The following DMD variants were observed in gnomAD, a reference collection of about 807,000 sequenced individuals.
DMD encodes mutant dystrophin.
In DMD, 63 loss-of-function variants were observed where a neutral mutation model predicts 330.1. That is an observed-to-expected ratio of 0.19 (90% CI 0.16 to 0.24). The LOEUF is 0.24. Among genes scored for constraint, DMD ranks in the 10% least tolerant of loss-of-function variants. DMD has a pLI of 1.00. For synonymous variants in DMD, 1,223 were observed against 959.8 expected (o/e 1.27, Z -5.07); for missense variants, 3,344 against 2,684.1 (o/e 1.25, Z -5.43).
intron 50 of DMD, among the ~76,000 whole-genome samples, chrX:31,810,183 T>C (rs775012350): frequency 1.8e-5 from 2 of 111,355 alleles, no homozygotes; most frequent in Non-Finnish European, 3.8e-5. Flanking sequence ...GACAGAGTCA[T>C]GGGAAGACCA....
intron 62 of DMD, among the ~76,000 whole-genome samples, chrX:31,266,475 G>A (rs761376668): frequency 4.6e-4 from 52 of 112,719 alleles, no homozygotes; most frequent in African/African-American, 1.6e-3. Flanking sequence ...AGCCTGGAAA[G>A]GAGTGAAAAG....
chrX:32,341,150 T>A (rs1340937651), intron 41 of DMD, among the ~76,000 whole-genome samples: 1 of 111,931 alleles, frequency 8.9e-6, no homozygotes, highest in Non-Finnish European at 1.9e-5. Context: ...CTGAACCCTA[T>A]GCAGTTATTA....
intron 44 of DMD, among the ~76,000 whole-genome samples, chrX:32,213,838 G>A (rs922132548): frequency 9.1e-6 from 1 of 110,214 alleles, no homozygotes; most frequent in Non-Finnish European, 1.9e-5. Context: ...GCCAGGTGTG[G>A]GGGTGGGCAC....
intron 7 of DMD, among the ~76,000 whole-genome samples, chrX:32,797,850 G>GA (rs2076285832): frequency 9.0e-6 from 1 of 110,908 alleles, no homozygotes; most frequent in Non-Finnish European, 1.9e-5. Context: ...TAAGCTAATT[G>GA]AAAAGAGATT....
intron 62 of DMD, among the ~76,000 whole-genome samples, chrX:31,303,793 G>A (rs2054829272): frequency 1.8e-5 from 2 of 111,438 alleles, no homozygotes; most frequent in Admixed American, 1.9e-4. Flanking sequence ...GTTCCCTCCT[G>A]CTAAATTGCC....
At chrX:32,623,260 G>C (rs758489843) in intron 11 of DMD, among the ~76,000 whole-genome samples, 12 of 111,717 alleles carry the variant, frequency 1.1e-4, no homozygotes, top group African/African-American at 3.2e-4. Flanking sequence ...GATTAGCAAG[G>C]AAGTGAGTAG....
At chrX:32,067,868 A>G (rs747352896) in intron 44 of DMD, among the ~76,000 whole-genome samples, 1 of 111,843 alleles carries the variant, frequency 8.9e-6, no homozygotes, top group Non-Finnish European at 1.9e-5. Flanking sequence ...TTGGATATCT[A>G]CTCAGTAATG....
At position 31,339,022 on chromosome X, in the gene DMD, T is replaced by C. The variant is rs775916469; in HGVS notation, c.9163+9534A>G. On this transcript the variant is annotated intron_variant, in intron 61 of 78. Transcript: ENST00000357033. ...TTCCATGGAGTAAATCTTCCCACTATGCCTGATTTCAAGCTACCAAAGGTA... is the reference window on the plus strand; with the variant it reads ...TTCCATGGAGTAAATCTTCCCACTACGCCTGATTTCAAGCTACCAAAGGTA... 8.6e-4 allele frequency among the ~76,000 whole-genome samples: 94 copies of C among 109,571 alleles called. 1 individual carries two copies. Among genetic ancestry groups the C allele is most frequent in the South Asian group, 6.0e-3 (15 of 2,499 alleles).
At chrX:32,516,053 T>TG (rs1407904959) in intron 18 of DMD, among the ~76,000 whole-genome samples, 3 of 108,151 alleles carry the variant, frequency 2.8e-5, no homozygotes, top group East Asian at 2.9e-4. Flanking sequence ...AGAAATCAAG[T>TG]GAAAAAAAAA....
chrX:31,839,815 A>G (rs774240894), intron 48 of DMD, among the ~76,000 whole-genome samples: 10 of 111,674 alleles, frequency 9.0e-5, no homozygotes, highest in Non-Finnish European at 1.9e-4. Context: ...TATATAACCA[A>G]CATCTGAATG....
chrX:31,939,472 G>A (rs2094964069), intron 45 of DMD, among the ~76,000 whole-genome samples: 1 of 112,088 alleles, frequency 8.9e-6, no homozygotes, highest in African/African-American at 3.2e-5. Context: ...ATATCTGTAT[G>A]GAAAGTAAGT....
intron 76 of DMD, 81 bp downstream of exon 76, chrX:31,146,210 T>TA: frequency 2.7e-6 from 3 of 1,107,714 alleles, no homozygotes; most frequent in Middle Eastern, 3.2e-4. Context: ...GTCAAACACT[T>TA]ACGGCCAAAT....
intron 2 of DMD, among the ~76,000 whole-genome samples, chrX:32,881,850 C>G (rs1235835343): frequency 9.0e-6 from 1 of 111,423 alleles, no homozygotes; most frequent in Non-Finnish European, 1.9e-5. Flanking sequence ...ACTCTGCAAA[C>G]CGTACTTCTG....
At chrX:33,167,085 G>C (rs746562474) in intron 1 of DMD, among the ~76,000 whole-genome samples, 6 of 110,701 alleles carry the variant, frequency 5.4e-5, no homozygotes, top group African/African-American at 1.6e-4. Context: ...ATCAGGTATT[G>C]GTATTATTAA....
At chrX:32,670,830 C>T (rs2061587800) in intron 9 of DMD, among the ~76,000 whole-genome samples, 1 of 111,527 alleles carries the variant, frequency 9.0e-6, no homozygotes, top group Non-Finnish European at 1.9e-5. Flanking sequence ...CAGTTTTTTT[C>T]CTGCTATGGC....
At chrX:33,243,621 A>G (rs2052621985) in intron 1 of DMD, among the ~76,000 whole-genome samples, 1 of 112,462 alleles carries the variant, frequency 8.9e-6, no homozygotes, top group Non-Finnish European at 1.9e-5. Context: ...AGCACTATTC[A>G]CAATAGCAAA....
chrX:31,629,300 G>A (rs1356159436), intron 54 of DMD, among the ~76,000 whole-genome samples: 2 of 111,505 alleles, frequency 1.8e-5, no homozygotes, highest in African/African-American at 6.5e-5. Context: ...AACTCCTGCC[G>A]AGCCAGCGGC....
At chrX:33,203,124 C>T (rs2051373378) in intron 1 of DMD, among the ~76,000 whole-genome samples, 1 of 111,609 alleles carries the variant, frequency 9.0e-6, no homozygotes, top group Non-Finnish European at 1.9e-5. Flanking sequence ...GGGATAATCA[C>T]TTTCACTAAC....
At chrX:31,847,625 A>C (rs2093450300) in intron 48 of DMD, among the ~76,000 whole-genome samples, 1 of 111,922 alleles carries the variant, frequency 8.9e-6, no homozygotes, top group Admixed American at 9.5e-5. Flanking sequence ...TATGTGAAAT[A>C]AATTGTAAAA....
Sources: gnomAD v4.1 joint callset for allele counts (sites outside exome capture counted in the v4.1 genomes callset) on GRCh38, gnomAD v4.1.1 for gene constraint, MANE v1.5 for transcripts, NCBI Gene and HGNC (gene_info 2026-07-23, HGNC 2026-07-21) for gene names.